The following ARHGAP26 variants were observed in gnomAD, a reference collection of about 807,000 sequenced individuals.
ARHGAP26 encodes the protein Rho GTPase activating protein 26, also known as rho GTPase-activating protein 26.
In ARHGAP26, 38 loss-of-function variants were observed where a neutral mutation model predicts 104.8. That is an observed-to-expected ratio of 0.36 (90% CI 0.28 to 0.48). The LOEUF (loss-of-function observed/expected upper bound fraction) is 0.48. Ranked by LOEUF, ARHGAP26 falls within the 20% of genes least tolerant of loss-of-function variation. The probability of loss-of-function intolerance (pLI) is 0.99; values close to 1 mark genes in which losing one functional copy is unlikely to be tolerated. For missense variants in ARHGAP26, 704 were observed against 947.9 expected (o/e 0.74, Z 3.38); for synonymous variants, 341 against 340.0 (o/e 1.00, Z -0.03).
At chr5:143,141,576 A>G (rs928400817) in intron 19 of ARHGAP26, among the ~76,000 whole-genome samples, 1 of 152,190 alleles carries the variant, frequency 6.6e-6, no homozygotes, top group Non-Finnish European at 1.5e-5. Flanking sequence ...TGCACCTTTC[A>G]TGTACTATCT....
intron 21 of ARHGAP26, among the ~76,000 whole-genome samples, chr5:143,212,354 G>GAAAAAAA (rs201236164): frequency 1.5e-5 from 2 of 135,774 alleles, no homozygotes. Flanking sequence ...AGCCTCTCAA[G>GAAAAAAA]AAAAAAAAAA....
intron 12 of ARHGAP26, among the ~76,000 whole-genome samples, chr5:143,035,531 C>T (rs1219651288): frequency 2.0e-4 from 30 of 150,964 alleles, no homozygotes; most frequent in Admixed American, 1.6e-3. Flanking sequence ...ACTTTGGGGA[C>T]GTGGGGGAAA....
chr5:142,927,062 T>C (rs1272498872), intron 10 of ARHGAP26, among the ~76,000 whole-genome samples: 2 of 152,152 alleles, frequency 1.3e-5, no homozygotes, highest in Non-Finnish European at 1.5e-5. Flanking sequence ...GTTCAGTTGC[T>C]AGTCTGCCGT....
intron 11 of ARHGAP26, among the ~76,000 whole-genome samples, chr5:143,013,461 T>A (rs1413765751): frequency 4.6e-5 from 7 of 152,232 alleles, no homozygotes; most frequent in Non-Finnish European, 1.0e-4. Context: ...ATTTACATTA[T>A]TTAAGGGGTT....
intron 14 of ARHGAP26, among the ~76,000 whole-genome samples, chr5:143,052,147 G>T (rs1428877122): frequency 2.0e-5 from 3 of 152,202 alleles, no homozygotes; most frequent in Non-Finnish European, 4.4e-5. Context: ...GAACTCTATG[G>T]AATTTACTGT....
chr5:142,927,614 T>C (rs1764101772), intron 10 of ARHGAP26, among the ~76,000 whole-genome samples: 1 of 152,272 alleles, frequency 6.6e-6, no homozygotes, highest in Non-Finnish European at 1.5e-5. Flanking sequence ...TTTTTGGCTA[T>C]TCTAAATAAA....
intron 17 of ARHGAP26, among the ~76,000 whole-genome samples, chr5:143,094,109 G>A (rs957458408): frequency 8.6e-5 from 13 of 152,040 alleles, no homozygotes; most frequent in Admixed American, 7.9e-4. Flanking sequence ...CCACTCCCCC[G>A]CCCCCGCGGC....
chr5:142,935,662 C>T (rs1765304572), intron 11 of ARHGAP26, among the ~76,000 whole-genome samples: 1 of 152,100 alleles, frequency 6.6e-6, no homozygotes, highest in Non-Finnish European at 1.5e-5. Context: ...GATGAATTGA[C>T]CAGAACTTAC....
chr5:142,890,351 G>C (rs1358831318), intron 5 of ARHGAP26, among the ~76,000 whole-genome samples: 2 of 151,170 alleles, frequency 1.3e-5, no homozygotes, highest in African/African-American at 4.9e-5. Context: ...TTGTGGGAAA[G>C]AAAGCGGTTT....
At position 142,894,238 on chromosome 5, in the gene ARHGAP26, G is replaced by A. The variant is rs756993598; in HGVS notation, c.487G>A (p.Ala163Thr). Residue 163 changes from alanine (A) to threonine (T), a missense_variant and splice_region_variant, in exon 6 of 23, where the codon GCA (alanine) becomes ACA (threonine). Ala to Thr is a moderately conservative substitution (Grantham distance 58, BLOSUM62 0). This residue lies in a region of ARHGAP26 where 106 missense variants were observed against 120.5 expected (regional missense o/e 0.88). Transcript: ENST00000645722. Reference protein sequence around the residue: ...SKKKESQLQEADSQVDLVRQH... With the variant: ...SKKKESQLQETDSQVDLVRQH... ...CTCTTAAATTCCATCTTGTTTGTAG[G>A]CAGACAGCCAAGTGGACCTGGTCCG... 1 of 1,613,366 alleles carries A rather than the reference G, an allele frequency of 6.2e-7. No homozygotes were observed. Among genetic ancestry groups the A allele is most frequent in the Non-Finnish European group, 8.5e-7 (1 of 1,179,522 alleles).
intron 10 of ARHGAP26, chr5:142,919,313 GT>G: frequency 2.5e-6 from 1 of 398,512 alleles, no homozygotes; most frequent in Non-Finnish European, 4.4e-6. Flanking sequence ...AACACCAAAG[GT>G]TGGCAGCAGA....
intron 18 of ARHGAP26, 23 bp downstream of exon 18, chr5:143,121,170 C>T: frequency 6.2e-7 from 1 of 1,604,808 alleles, no homozygotes; most frequent in Admixed American, 1.7e-5. Context: ...TGATCACTTG[C>T]AGTGAAGAAT....
chr5:142,890,149 AAAATATATATATATATATATATAT>A lies in ARHGAP26; in HGVS notation c.487-4087_487-4064del, dbSNP rs1208196204. On this transcript the variant is annotated intron_variant, in intron 5 of 22. Coordinates refer to ENST00000645722, the MANE Select transcript of ARHGAP26 (RefSeq NM_001135608.3). Reference sequence around the variant, plus strand: ...GAAACTCCGTCTTAAAAAAAAAAAAAAAATATATATATATATATATATATATATATATATATATATATATATATG... The same window carrying A: ...GAAACTCCGTCTTAAAAAAAAAAAAAATATATATATATATATATATATATG... 3.9e-4 allele frequency among the ~76,000 whole-genome samples: 26 copies of A among 66,720 alleles called. 1 individual carries two copies. Among genetic ancestry groups the A allele is most frequent in the African/African-American group, 1.0e-3 (15 of 14,656 alleles). 43.8% of individuals were successfully genotyped at this position (66,720 alleles called of 152,430 possible).
chr5:143,126,873 C>T (rs1015134544), intron 18 of ARHGAP26, among the ~76,000 whole-genome samples: 7 of 152,158 alleles, frequency 4.6e-5, no homozygotes, highest in African/African-American at 1.7e-4. Flanking sequence ...TCCGTATGAA[C>T]AGAATCTTTT....
intron 18 of ARHGAP26, among the ~76,000 whole-genome samples, chr5:143,126,442 G>T (rs780965467): frequency 2.0e-5 from 3 of 152,196 alleles, no homozygotes; most frequent in East Asian, 1.9e-4. Flanking sequence ...AGGCTAAAAT[G>T]ATTATGTCAG....
At chr5:143,156,291 T>G (rs561828893) in intron 20 of ARHGAP26, among the ~76,000 whole-genome samples, 3 of 152,342 alleles carry the variant, frequency 2.0e-5, no homozygotes, top group Admixed American at 2.0e-4. Flanking sequence ...CATTCCTAGT[T>G]GGAAACAGCC....
intron 6 of ARHGAP26, among the ~76,000 whole-genome samples, chr5:142,896,654 A>G (rs1242208934): frequency 6.6e-6 from 1 of 151,998 alleles, no homozygotes; most frequent in East Asian, 1.9e-4. Context: ...ATTTCCTGGC[A>G]TCCTGTTGTA....
intron 1 of ARHGAP26, among the ~76,000 whole-genome samples, chr5:142,866,538 T>A (rs1236814776): frequency 6.6e-6 from 1 of 152,212 alleles, no homozygotes; most frequent in Non-Finnish European, 1.5e-5. Context: ...TAGATTAAGG[T>A]GAGTTTGGGT....
At chr5:143,106,481 T>TC (rs1794036711) in intron 17 of ARHGAP26, among the ~76,000 whole-genome samples, 1 of 142,652 alleles carries the variant, frequency 7.0e-6, no homozygotes, top group South Asian at 2.3e-4. Flanking sequence ...TTTTTTTTTT[T>TC]TTTTTTTTTG....
Sources: gnomAD v4.1 joint callset for allele counts (sites outside exome capture counted in the v4.1 genomes callset) on GRCh38, gnomAD v4.1.1 for gene constraint, gnomAD v4.1.1 regional missense constraint, MANE v1.5 for transcripts, NCBI Gene and HGNC (gene_info 2026-07-23, HGNC 2026-07-21) for gene names.